LRRC63: variants seen among roughly 807,000 people sequenced by gnomAD.
The protein encoded by LRRC63 is leucine-rich repeat-containing protein 63.
A neutral mutation model predicts 49.5 loss-of-function variants in LRRC63; 40 were observed. The ratio of observed to expected loss-of-function variants is 0.81; its 90% CI spans 0.63 to 1.05. LRRC63 has a LOEUF of 1.05. Among genes scored for constraint, LRRC63 ranks in the 50% least tolerant of loss-of-function variants. The pLI, the probability that LRRC63 is intolerant of heterozygous loss-of-function variation, is 0.00. For missense variants in LRRC63, 636 were observed against 663.1 expected, an observed-to-expected ratio of 0.96 and a Z score of 0.45; for synonymous variants, 191 against 221.1, an observed-to-expected ratio of 0.86 and a Z score of 1.21.
chr13:46,261,234 G>A (rs1463492921), intron 7 of LRRC63, among the ~76,000 whole-genome samples: 2 of 152,228 alleles, frequency 1.3e-5, no homozygotes, highest in Non-Finnish European at 1.5e-5. Context: ...GGGTTGAATA[G>A]CATCCCTCGG....
At chr13:46,255,350 T>C (rs1234523267) in intron 7 of LRRC63, among the ~76,000 whole-genome samples, 1 of 152,094 alleles carries the variant, frequency 6.6e-6, no homozygotes, top group Non-Finnish European at 1.5e-5. Context: ...GAAATACATA[T>C]AGTGCTGGTG....
chr13:46,262,593 C>T (rs1295674088), intron 8 of LRRC63, among the ~76,000 whole-genome samples: 1 of 152,086 alleles, frequency 6.6e-6, no homozygotes, highest in East Asian at 1.9e-4. Flanking sequence ...ATAGAGTTTA[C>T]TCATAAATTT....
chr13:46,229,696 T>C (rs1323959827), intron 4 of LRRC63, among the ~76,000 whole-genome samples: 1 of 152,056 alleles, frequency 6.6e-6, no homozygotes, highest in Non-Finnish European at 1.5e-5. Context: ...TGAGGTGGAG[T>C]ATCACTTTAG....
intron 9 of LRRC63, among the ~76,000 whole-genome samples, chr13:46,276,191 A>AT (rs1285072390): frequency 6.6e-6 from 1 of 151,324 alleles, no homozygotes; most frequent in Admixed American, 6.6e-5. Flanking sequence ...TAGTACCTTT[A>AT]TTTTTTTAAA....
At chr13:46,238,593 G>A (rs912530898) in intron 5 of LRRC63, among the ~76,000 whole-genome samples, 1 of 152,162 alleles carries the variant, frequency 6.6e-6, no homozygotes, top group African/African-American at 2.4e-5. Context: ...ATGTGCAGGG[G>A]AACTGCCCTT....
In LRRC63 at chr13:46,264,437, T is replaced by TTTAG. The variant is rs140900422; in HGVS notation, c.1311-2281_1311-2278dup. On this transcript the variant is annotated intron_variant, in intron 8 of 9. Transcript: ENST00000595396. ...CTCATGGTTTTTATTTATTTATTTA[T>TTTAG]TTAGTTAGTTAGTTAGTTTTGAATT... Among the ~76,000 whole-genome samples the TTTAG allele has an allele frequency of 3.0e-3, 458 of 151,514 alleles. 3 individuals are homozygous for TTTAG. The highest frequency in any genetic ancestry group is 9.1e-3 in the African/African-American group (375 of 41,286).
intron 4 of LRRC63, among the ~76,000 whole-genome samples, chr13:46,233,811 A>G (rs1050768729): frequency 6.6e-6 from 1 of 152,220 alleles, no homozygotes; most frequent in Non-Finnish European, 1.5e-5. Flanking sequence ...GTATTCTTAC[A>G]TGATGTTGCT....
intron 4 of LRRC63, among the ~76,000 whole-genome samples, chr13:46,232,122 C>T (rs977459622): frequency 3.3e-5 from 5 of 152,126 alleles, no homozygotes; most frequent in Non-Finnish European, 7.4e-5. Flanking sequence ...GCCTGCCACA[C>T]ACTTTTAAAC....
At chr13:46,255,345 A>G (rs2047482816) in intron 7 of LRRC63, among the ~76,000 whole-genome samples, 1 of 152,038 alleles carries the variant, frequency 6.6e-6, no homozygotes, top group South Asian at 2.1e-4. Context: ...TTCTGGAAAT[A>G]CATATAGTGC....
chr13:46,264,637 T>G (rs1354731760), intron 8 of LRRC63, among the ~76,000 whole-genome samples: 4 of 115,946 alleles, frequency 3.4e-5, no homozygotes, highest in East Asian at 3.0e-4. Context: ...CTCCCCAACT[T>G]TGTATCCATC....
chr13:46,228,683 A>G, exon 4 of LRRC63: 16 of 1,545,068 alleles, frequency 1.0e-5, no homozygotes, highest in Non-Finnish European at 1.3e-5. Flanking sequence ...GTAACAGAAA[A>G]TGGAAATATA....
At chr13:46,255,645 A>AAAAAAAAAAAAAAAAATAT (rs1555328641) in intron 7 of LRRC63, among the ~76,000 whole-genome samples, 30 of 129,452 alleles carry the variant, frequency 2.3e-4, no homozygotes, top group African/African-American at 8.2e-4. Flanking sequence ...CCCTGCCTCA[A>AAAAAAAAAAAAAAAAATAT]ATATATATAT....
chr13:46,213,227 A>G (rs2046145943), intron 2 of LRRC63, 108 bp downstream of exon 2: 1 of 668,580 alleles, frequency 1.5e-6, no homozygotes, highest in South Asian at 2.4e-5. Context: ...AATAACTTAC[A>G]AATGTTTGTT....
chr13:46,223,474 A>AG (rs1555322607), intron 2 of LRRC63, among the ~76,000 whole-genome samples: 2 of 128,150 alleles, frequency 1.6e-5, no homozygotes, highest in African/African-American at 7.1e-5. Context: ...CTTGGCTGAC[A>AG]GTTTTTTTTG....
chr13:46,251,464 CA>C (rs1303910895), intron 7 of LRRC63, among the ~76,000 whole-genome samples: 1 of 151,914 alleles, frequency 6.6e-6, no homozygotes, highest in East Asian at 1.9e-4. Context: ...GATTTTTCCA[CA>C]GTACATAAAC....
At chr13:46,230,007 T>A (rs1214817977) in intron 4 of LRRC63, among the ~76,000 whole-genome samples, 1 of 151,914 alleles carries the variant, frequency 6.6e-6, no homozygotes, top group Non-Finnish European at 1.5e-5. Context: ...AACAGCCAGA[T>A]CTTATAAGAA....
rs2047761981 is a variant in LRRC63, at chr13:46,271,740, C to A, written c.1550+4768C>A. Among the ~76,000 whole-genome samples the A allele has an allele frequency of 2.0e-5, 3 of 147,788 alleles. No individual in the cohort carries two copies. In the South Asian group the frequency reaches 6.4e-4, roughly 31 times the overall value. ...TTAAACTAAAAAAAAAAAAAAAACT[C>A]CAACAACTATGAATTTATAGTTTAA... On this transcript the variant is annotated intron_variant, in intron 9 of 9. Coordinates refer to ENST00000595396, the Ensembl canonical transcript of LRRC63.
chr13:46,258,807 CAAAAAAA>C (rs11451920), intron 7 of LRRC63, among the ~76,000 whole-genome samples: 2 of 90,000 alleles, frequency 2.2e-5, no homozygotes, highest in Admixed American at 2.3e-4. Context: ...GACTCTGTCT[CAAAAAAA>C]AAAAAAAAAA....
In LRRC63 at chr13:46,217,135, G is replaced by A. The variant is rs757344066; in HGVS notation, c.85+4016G>A. Among the ~76,000 whole-genome samples, 87 of 152,166 alleles carry A rather than the reference G, an allele frequency of 5.7e-4. 1 individual carries two copies. The highest frequency in any genetic ancestry group is 4.9e-3 in the Admixed American group (75 of 15,278). On this transcript the variant is annotated intron_variant, in intron 2 of 9. Coordinates refer to ENST00000595396, the Ensembl canonical transcript of LRRC63. ...GAAGCTAGCCTTATAAAATGAGTTA[G>A]GGAGGAGTCCCTCTTTTTCTGTTGT...
Sources: gnomAD v4.1 joint callset for allele counts (sites outside exome capture counted in the v4.1 genomes callset) on GRCh38, gnomAD v4.1.1 for gene constraint, MANE v1.5 for transcripts, NCBI Gene and HGNC (gene_info 2026-07-23, HGNC 2026-07-21) for gene names.